RGS7: variants seen among roughly 807,000 people sequenced by gnomAD.
The protein encoded by RGS7 is regulator of G-protein signaling 7.
In RGS7, 27 loss-of-function variants were observed where a neutral mutation model predicts 81.1. The observed-to-expected ratio is 0.33, with a 90% CI of 0.25 to 0.46. RGS7 has a LOEUF of 0.46. Ranked by LOEUF, RGS7 falls within the 20% of genes least tolerant of loss-of-function variation. The pLI is 1.00. For synonymous variants in RGS7, 208 were observed against 207.7 expected, an observed-to-expected ratio of 1.00 and a Z score of -0.01; for missense variants, 396 against 607.4, an observed-to-expected ratio of 0.65 and a Z score of 3.66.
chr1:241,286,903 A>T (rs554093252), intron 2 of RGS7, among the ~76,000 whole-genome samples: 1 of 152,280 alleles, frequency 6.6e-6, no homozygotes, highest in East Asian at 1.9e-4. Context: ...TCAGGGCCAA[A>T]TCCCTGCAAA....
At chr1:241,318,707 C>A (rs2081035452) in intron 2 of RGS7, among the ~76,000 whole-genome samples, 1 of 152,156 alleles carries the variant, frequency 6.6e-6, no homozygotes, top group Admixed American at 6.6e-5. Flanking sequence ...AACTCCCGAC[C>A]TCAGGTGATC....
In RGS7 at chr1:241,239,000, G is replaced by A. The variant is rs186354026; in HGVS notation, c.78+116699C>T. Among the ~76,000 whole-genome samples, 9 of 119,040 alleles carry A rather than the reference G, an allele frequency of 7.6e-5. No individual in the cohort carries two copies. In the South Asian group the frequency reaches 1.6e-3, roughly 21 times the overall value. 78.1% of individuals were successfully genotyped at this position (119,040 alleles called of 152,430 possible). A position where few individuals can be genotyped will look rare whatever the true frequency, so the allele number is the denominator to read the frequency against. ...TTTTTTTTTTTTGAGATACAGTCTC[G>A]CTCTGTTGCCCAGGCTGGAGTGCCC... On this transcript the variant is annotated intron_variant, in intron 2 of 18. Transcript: ENST00000440928.
intron 6 of RGS7, among the ~76,000 whole-genome samples, chr1:240,911,098 T>TTC (rs1001867049): frequency 3.3e-5 from 5 of 152,040 alleles, no homozygotes; most frequent in African/African-American, 1.2e-4. Flanking sequence ...TTTATTGTCT[T>TTC]TCTCTCTCTC....
intron 2 of RGS7, among the ~76,000 whole-genome samples, chr1:241,248,791 G>A (rs549320903): frequency 6.6e-6 from 1 of 152,148 alleles, no homozygotes; most frequent in Non-Finnish European, 1.5e-5. Flanking sequence ...GATGAGTGGA[G>A]AAGGCAGACA....
chr1:241,299,001 A>G (rs2079579198), intron 2 of RGS7, among the ~76,000 whole-genome samples: 1 of 152,232 alleles, frequency 6.6e-6, no homozygotes, highest in South Asian at 2.1e-4. Flanking sequence ...CACATAATTT[A>G]GCACCTAAAG....
chr1:241,253,893 C>A (rs2076938758), intron 2 of RGS7, among the ~76,000 whole-genome samples: 1 of 152,010 alleles, frequency 6.6e-6, no homozygotes, highest in Non-Finnish European at 1.5e-5. Flanking sequence ...ATGGAATGTC[C>A]CATTCTAGAA....
At position 241,265,792 on chromosome 1, in the gene RGS7, T is replaced by C. The variant is rs1376946341; in HGVS notation, c.78+89907A>G. The stretch of plus-strand genomic sequence containing the variant: ...TACTGCCCTTTTCCTCGTCCTTTTT[T>C]TTTTTTTTTTTTTTTTTTTTAGACA... On this transcript the variant is annotated intron_variant, in intron 2 of 18. Transcript: ENST00000440928. 6.2e-5 allele frequency among the ~76,000 whole-genome samples: 9 copies of C among 145,778 alleles called. No homozygotes were observed. The Admixed American group carries it at 6.2e-4, about 10-fold the overall frequency.
intron 3 of RGS7, among the ~76,000 whole-genome samples, chr1:241,064,423 CAAAAA>C (rs557864611): frequency 1.5e-4 from 14 of 95,224 alleles, no homozygotes; most frequent in African/African-American, 4.5e-4. Flanking sequence ...CAGTCTCTAC[CAAAAA>C]AAAAAAAAAA....
At chr1:240,923,744 A>G (rs1244935512) in intron 6 of RGS7, among the ~76,000 whole-genome samples, 2 of 151,948 alleles carry the variant, frequency 1.3e-5, no homozygotes, top group Non-Finnish European at 2.9e-5. Context: ...ATTTGTCTTA[A>G]CGGAATGGAT....
chr1:241,044,515 T>C (rs957879878), intron 3 of RGS7, among the ~76,000 whole-genome samples: 20 of 152,176 alleles, frequency 1.3e-4, no homozygotes, highest in African/African-American at 4.6e-4. Flanking sequence ...CTCAAATTCC[T>C]AGGCTCAGGC....
intron 6 of RGS7, among the ~76,000 whole-genome samples, chr1:240,884,973 T>C (rs747237232): frequency 6.6e-6 from 1 of 152,120 alleles, no homozygotes; most frequent in Non-Finnish European, 1.5e-5. Context: ...AGACAACCTA[T>C]AGAATAGGAG....
chr1:241,050,309 A>G (rs1166675702), intron 3 of RGS7, among the ~76,000 whole-genome samples: 1 of 152,112 alleles, frequency 6.6e-6, no homozygotes, highest in Non-Finnish European at 1.5e-5. Context: ...AGACTGGAGC[A>G]TCCATACACT....
chr1:241,305,126 T>G (rs2080011041), intron 2 of RGS7, among the ~76,000 whole-genome samples: 1 of 152,180 alleles, frequency 6.6e-6, no homozygotes. Context: ...CTTTTACGAG[T>G]TTTTAACTGC....
chr1:240,817,464 A>G (rs1477850180), intron 10 of RGS7, among the ~76,000 whole-genome samples: 1 of 152,102 alleles, frequency 6.6e-6, no homozygotes, highest in Non-Finnish European at 1.5e-5. Context: ...CTCTAAATTC[A>G]ATGTGTTTTT....
intron 2 of RGS7, among the ~76,000 whole-genome samples, chr1:241,295,259 G>C (rs559293679): frequency 6.0e-4 from 91 of 151,290 alleles, no homozygotes; most frequent in South Asian, 2.3e-3. Flanking sequence ...CCAGCCTGAC[G>C]AACATGATGA....
chr1:240,826,262 G>T (rs962584735), intron 10 of RGS7, among the ~76,000 whole-genome samples: 1 of 152,144 alleles, frequency 6.6e-6, no homozygotes, highest in African/African-American at 2.4e-5. Context: ...TGCCTTAAAA[G>T]AAAGAAAAGG....
chr1:241,296,434 G>A (rs970830323), intron 2 of RGS7, among the ~76,000 whole-genome samples: 7 of 152,134 alleles, frequency 4.6e-5, no homozygotes, highest in Admixed American at 6.5e-5. Flanking sequence ...GTGATTAGGC[G>A]CTCAAGTGAC....
intron 9 of RGS7, among the ~76,000 whole-genome samples, chr1:240,864,645 A>C (rs909051415): frequency 2.0e-5 from 3 of 152,226 alleles, no homozygotes; most frequent in Admixed American, 2.0e-4. Context: ...CAGGAAATAA[A>C]AGAGTTCAAA....
At chr1:240,994,553 T>C (rs1157713430) in intron 3 of RGS7, among the ~76,000 whole-genome samples, 5 of 152,178 alleles carry the variant, frequency 3.3e-5, no homozygotes, top group African/African-American at 1.2e-4. Flanking sequence ...TTCTTAGTTC[T>C]AGAAGGTTTT....
Sources: gnomAD v4.1 joint callset for allele counts (sites outside exome capture counted in the v4.1 genomes callset) on GRCh38, gnomAD v4.1.1 for gene constraint, MANE v1.5 for transcripts, NCBI Gene and HGNC (gene_info 2026-07-23, HGNC 2026-07-21) for gene names.